The following NUFIP2 variants were observed in gnomAD, a reference collection of about 807,000 sequenced individuals.
NUFIP2 encodes the protein nuclear FMR1 interacting protein 2.
Under a neutral mutation model 56.9 loss-of-function variants are expected in NUFIP2, and 6 were observed. The ratio of observed to expected loss-of-function variants is 0.11; its 90% CI spans 0.06 to 0.21. The LOEUF (loss-of-function observed/expected upper bound fraction) is 0.21. Among genes scored for constraint, NUFIP2 ranks in the 10% least tolerant of loss-of-function variants. The pLI, the probability that NUFIP2 is intolerant of heterozygous loss-of-function variation, is 1.00. For synonymous variants in NUFIP2, 321 were observed against 298.2 expected, an observed-to-expected ratio of 1.08 and a Z score of -0.79; for missense variants, 828 against 826.8, an observed-to-expected ratio of 1.00 and a Z score of -0.02.
Position 29,256,249 on chromosome 17 carries a change from T to C in NUFIP2, c.*8290A>G, listed in dbSNP as rs1002638365. 7 of 152,278 alleles carry C rather than the reference T, an allele frequency of 4.6e-5. No homozygotes were observed. Among genetic ancestry groups the C allele is most frequent in the Admixed American group, 3.3e-4 (5 of 15,290 alleles). The allele number at this position is 152,278 out of a possible 1,614,324, so 9.4% of individuals were successfully genotyped here. On this transcript the variant is annotated 3_prime_UTR_variant, in exon 4 of 4. Coordinates refer to ENST00000225388, the MANE Select transcript of NUFIP2 (RefSeq NM_020772.3). ...CCAGATTAAGAGGTAACTCAGCTCC[T>C]TAGTGCCTCTGCACGAGACAGAGAA...
chr17:29,266,129 G>A (rs1471666102), intron 3 of NUFIP2, among the ~76,000 whole-genome samples: 1 of 152,100 alleles, frequency 6.6e-6, no homozygotes, highest in Non-Finnish European at 1.5e-5. Context: ...GTGCCACCAC[G>A]CCTGGCTAAC....
chr17:29,271,949 G>A (rs1445487607), intron 2 of NUFIP2, among the ~76,000 whole-genome samples: 4 of 151,038 alleles, frequency 2.6e-5, no homozygotes, highest in South Asian at 2.1e-4. Context: ...GGCGGGCACC[G>A]GTAGTCCTAG....
At chr17:29,264,645 G>T in intron 3 of NUFIP2, 54 bp from the exon 4 acceptor site, 4 of 1,127,414 alleles carry the variant, frequency 3.5e-6, no homozygotes, top group South Asian at 2.5e-5. Flanking sequence ...CAAAATGCCC[G>T]TATTCCAATA....
chr17:29,286,096 G>C lies in NUFIP2; in HGVS notation c.1898C>G (p.Thr633Ser). 6.2e-7 allele frequency: 1 copy of C among 1,614,048 alleles called. No homozygotes were observed. Among genetic ancestry groups the C allele is most frequent in the Non-Finnish European group, 8.5e-7 (1 of 1,179,952 alleles). The change falls in exon 2 of 4, where the codon ACT becomes AGT. Residue 633 changes from threonine to serine, a missense_variant. Physicochemically the swap from Thr to Ser is moderately conservative, Grantham distance 58. This residue lies in a region of NUFIP2 where 404 missense variants were observed against 380.3 expected (regional missense o/e 1.06). Coordinates refer to ENST00000225388, the MANE Select transcript of NUFIP2 (RefSeq NM_020772.3). ...CTGTTCTTTGGCAGAGCCTAACAAA[G>C]TGTTCGTAGGAGAGGCCAGAGGATT... ...SQNPLASPTN[T>S]LLGSAKEQRY...
rs901146050 is a variant in NUFIP2, at chr17:29,261,861, T to A, written c.*2678A>T. 6.6e-6 allele frequency: 1 copy of A among 152,562 alleles called. No homozygotes were observed. Among genetic ancestry groups the A allele is most frequent in the South Asian group, 2.1e-4 (1 of 4,828 alleles). 9.5% of individuals were successfully genotyped at this position (152,562 alleles called of 1,614,324 possible). On this transcript the variant is annotated 3_prime_UTR_variant, in exon 4 of 4. Coordinates refer to ENST00000225388, the MANE Select transcript of NUFIP2 (RefSeq NM_020772.3). ...AAGTTAACAGACATTCCTAACTACATACCTCTAACCATATAATCAAGGAAA... is the reference window on the plus strand; with the variant it reads ...AAGTTAACAGACATTCCTAACTACAAACCTCTAACCATATAATCAAGGAAA...
rs981982569 is a variant in NUFIP2 at position 29,261,985 on chromosome 17, G to A, written c.*2554C>T. On this transcript the variant is annotated 3_prime_UTR_variant, in exon 4 of 4. Transcript: ENST00000225388. ...GACAGAGAAGTGATACATTCTTTTT[G>A]GCTTCTCTGAACACTGAGGCCTGAG... 6.6e-6 allele frequency: 1 copy of A among 152,338 alleles called. No individual in the cohort carries two copies. The highest frequency in any genetic ancestry group is 1.5e-5 in the Non-Finnish European group (1 of 67,980). The allele number at this position is 152,338 out of a possible 1,614,324, so 9.4% of individuals were successfully genotyped here.
At chr17:29,274,289 G>T (rs2069094199) in intron 2 of NUFIP2, among the ~76,000 whole-genome samples, 1 of 152,180 alleles carries the variant, frequency 6.6e-6, no homozygotes, top group Non-Finnish European at 1.5e-5. Flanking sequence ...TAGCAAGATG[G>T]TGAGACCCTA....
chr17:29,293,683 A>C, intron 1 of NUFIP2, 100 bp downstream of exon 1: 1 of 1,303,252 alleles, frequency 7.7e-7, no homozygotes, highest in Non-Finnish European at 1.0e-6. Context: ...ACACACACAC[A>C]CACCCCGACC....
At chr17:29,265,011 T>G (rs1884313022) in intron 3 of NUFIP2, among the ~76,000 whole-genome samples, 1 of 152,242 alleles carries the variant, frequency 6.6e-6, no homozygotes, top group African/African-American at 2.4e-5. Context: ...AAATTTATTT[T>G]AACCAGTGTG....
chr17:29,282,735 C>T (rs771547818), intron 2 of NUFIP2, among the ~76,000 whole-genome samples: 1 of 152,070 alleles, frequency 6.6e-6, no homozygotes, highest in African/African-American at 2.4e-5. Flanking sequence ...CTAAGCCCAA[C>T]TTCAACTACT....
rs1167504798 is a variant in NUFIP2, at chr17:29,261,625, A to T, written c.*2914T>A. The stretch of plus-strand genomic sequence containing the variant: ...CTTACACAAAATAATCAGAAAACAG[A>T]TCAACTCTTAAGATTTTTTTTTAAT... On this transcript the variant is annotated 3_prime_UTR_variant, in exon 4 of 4. Transcript: ENST00000225388. 3 of 152,584 alleles carry T rather than the reference A, an allele frequency of 2.0e-5. No individual in the cohort carries two copies. The highest frequency in any genetic ancestry group is 7.2e-5 in the African/African-American group (3 of 41,454). The allele number at this position is 152,584 out of a possible 1,614,324, so 9.5% of individuals were successfully genotyped here. A position where few individuals can be genotyped will look rare whatever the true frequency, so the allele number is the denominator to read the frequency against.
At chr17:29,280,929 G>A (rs867948817) in intron 2 of NUFIP2, among the ~76,000 whole-genome samples, 39 of 147,714 alleles carry the variant, frequency 2.6e-4, no homozygotes, top group African/African-American at 9.3e-4. Flanking sequence ...AGGTTGCAGC[G>A]AGCCAAGATC....
At chr17:29,284,576 G>A (rs2069159944) in intron 2 of NUFIP2, among the ~76,000 whole-genome samples, 1 of 151,432 alleles carries the variant, frequency 6.6e-6, no homozygotes, top group Non-Finnish European at 1.5e-5. Flanking sequence ...CGTGGTGGTG[G>A]GCACCTGTAA....
At chr17:29,281,006 A>G (rs138253855) in intron 2 of NUFIP2, among the ~76,000 whole-genome samples, 54 of 151,522 alleles carry the variant, frequency 3.6e-4, no homozygotes, top group African/African-American at 1.1e-3. Context: ...AAGGAAAAGA[A>G]AAGTTAGGAC....
chr17:29,272,551 T>C (rs919817262), intron 2 of NUFIP2, among the ~76,000 whole-genome samples: 22 of 152,048 alleles, frequency 1.4e-4, no homozygotes, highest in African/African-American at 5.1e-4. Context: ...CTCGTTTGTG[T>C]GATTTAATGT....
intron 2 of NUFIP2, among the ~76,000 whole-genome samples, chr17:29,267,885 G>C (rs970524470): frequency 2.0e-5 from 3 of 151,756 alleles, no homozygotes; most frequent in African/African-American, 4.9e-5. Flanking sequence ...CCTCAGGCGT[G>C]AGCCTGGATC....
In NUFIP2 at chr17:29,263,670, T is replaced by C. The variant is rs1391425335; in HGVS notation, c.*869A>G. 1 of 152,632 alleles carries C rather than the reference T, an allele frequency of 6.6e-6. No individual in the cohort carries two copies. Among genetic ancestry groups the C allele is most frequent in the Non-Finnish European group, 1.5e-5 (1 of 68,038 alleles). The allele number at this position is 152,632 out of a possible 1,614,324, so 9.5% of individuals were successfully genotyped here. On this transcript the variant is annotated 3_prime_UTR_variant, in exon 4 of 4. Coordinates refer to ENST00000225388, the MANE Select transcript of NUFIP2 (RefSeq NM_020772.3). ...CAGAATATATTTTTGCTCCCAGTTA[T>C]ACAATTACATTAAAATATGGGCACA... is the stretch of plus-strand genomic sequence containing the variant.
At chr17:29,273,424 G>A (rs1374843852) in intron 2 of NUFIP2, among the ~76,000 whole-genome samples, 2 of 151,980 alleles carry the variant, frequency 1.3e-5, no homozygotes, top group Non-Finnish European at 2.9e-5. Flanking sequence ...CACCCACCTT[G>A]GCCTCCCAAA....
Position 29,262,436 on chromosome 17 carries a change from A to G in NUFIP2, c.*2103T>C, listed in dbSNP as rs1410689525. 6.6e-6 allele frequency: 1 copy of G among 152,014 alleles called. No homozygotes were observed. Among genetic ancestry groups the G allele is most frequent in the Admixed American group, 6.6e-5 (1 of 15,218 alleles). 9.4% of individuals were successfully genotyped at this position (152,014 alleles called of 1,614,324 possible). On this transcript the variant is annotated 3_prime_UTR_variant, in exon 4 of 4. Transcript: ENST00000225388. Reference sequence around the variant, plus strand: ...CAAAAACACAGACTTTTTTCACTTCAGTTATGTGGTATGTTGCATTTTCCA... The same window carrying G: ...CAAAAACACAGACTTTTTTCACTTCGGTTATGTGGTATGTTGCATTTTCCA...
Sources: allele counts gnomAD v4.1 joint callset (sites outside exome capture counted in the v4.1 genomes callset), GRCh38; gene constraint gnomAD v4.1.1; regional missense constraint gnomAD v4.1.1; transcripts MANE v1.5; gene names NCBI Gene and HGNC (gene_info 2026-07-23, HGNC 2026-07-21).